SMC4: variants seen among roughly 807,000 people sequenced by gnomAD.
SMC4 encodes the protein structural maintenance of chromosomes protein 4.
A neutral mutation model predicts 145.6 loss-of-function variants in SMC4; 87 were observed. The ratio of observed to expected loss-of-function variants is 0.60; its 90% CI spans 0.50 to 0.71. SMC4 has a LOEUF of 0.71. SMC4 is among the 30% of genes least tolerant of loss of function. SMC4 has a pLI of 0.00. For missense variants in SMC4, 1,447 were observed against 1,537.1 expected (o/e 0.94, Z 0.98); for synonymous variants, 558 against 500.7 (o/e 1.11, Z -1.53).
intron 13 of SMC4, among the ~76,000 whole-genome samples, chr3:160,421,565 G>A (rs1424626916): frequency 1.3e-5 from 2 of 152,032 alleles, no homozygotes; most frequent in Non-Finnish European, 2.9e-5. Context: ...CCAACATGGC[G>A]AAATCCCATC....
intron 13 of SMC4, among the ~76,000 whole-genome samples, 188 bp downstream of exon 13, chr3:160,421,089 C>T (rs1717125074): frequency 6.6e-6 from 1 of 152,054 alleles, no homozygotes; most frequent in Non-Finnish European, 1.5e-5. Context: ...GCCACCACAC[C>T]CAGCTAATTT....
chr3:160,410,075 C>CA (rs1715814083), intron 5 of SMC4, among the ~76,000 whole-genome samples: 1 of 151,932 alleles, frequency 6.6e-6, no homozygotes, highest in Non-Finnish European at 1.5e-5. Context: ...GACCCTGTCT[C>CA]AAAAAAATAA....
At position 160,428,970 on chromosome 3, in the gene SMC4, T is replaced by TTTTCCCTTTCCC. The variant is rs762896674; in HGVS notation, c.2795+30_2795+41dup. On this transcript the variant is annotated intron_variant, in intron 18 of 23. Coordinates refer to ENST00000357388, the MANE Select transcript of SMC4 (RefSeq NM_001002800.3). Reference sequence around the variant, plus strand: ...AGAGTATGCATGTTACCCTAACTTGTTTTCCCTTTCCCTGCCTTCACATTG... The same window carrying TTTTCCCTTTCCC: ...AGAGTATGCATGTTACCCTAACTTGTTTTCCCTTTCCCTTTCCCTTTCCCTGCCTTCACATTG... The TTTTCCCTTTCCC allele has an allele frequency of 1.8e-5, 28 of 1,531,808 alleles. 1 individual carries two copies. In the South Asian group the frequency reaches 3.4e-4, roughly 19 times the overall value. 94.9% of individuals were successfully genotyped at this position (1,531,808 alleles called of 1,614,324 possible). A position where few individuals can be genotyped will look rare whatever the true frequency, so the allele number is the denominator to read the frequency against.
chr3:160,412,096 G>C lies in SMC4; in HGVS notation c.852+12G>C. The C allele has an allele frequency of 1.2e-6, 2 of 1,603,580 alleles. No individual in the cohort carries two copies. The highest frequency in any genetic ancestry group is 8.5e-7 in the Non-Finnish European group (1 of 1,175,736). On this transcript the variant is annotated intron_variant, in intron 6 of 23. Transcript: ENST00000357388. ...ACAGAGGAGAGAAGGTGAATCATCTGTAGACTTTCATTGTAAATCAGAATG... is the reference window on the plus strand; with the variant it reads ...ACAGAGGAGAGAAGGTGAATCATCTCTAGACTTTCATTGTAAATCAGAATG...
intron 9 of SMC4, 72 bp downstream of exon 9, chr3:160,414,589 C>T: frequency 7.5e-7 from 1 of 1,331,706 alleles, no homozygotes; most frequent in East Asian, 2.4e-5. Context: ...ATGTGTTTGC[C>T]CCTTATTGCC....
At chr3:160,403,168 T>G (rs1232293145) in intron 4 of SMC4, among the ~76,000 whole-genome samples, 1 of 152,188 alleles carries the variant, frequency 6.6e-6, no homozygotes, top group African/African-American at 2.4e-5. Flanking sequence ...TTCAGTTCAT[T>G]TTTAAAGTTA....
intron 13 of SMC4, among the ~76,000 whole-genome samples, chr3:160,421,473 C>T (rs916140632): frequency 3.3e-5 from 5 of 151,932 alleles, no homozygotes; most frequent in South Asian, 4.2e-4. Flanking sequence ...AGGCCAGGTG[C>T]GGTGGCTCAT....
chr3:160,407,461 G>A (rs751319464), intron 5 of SMC4, among the ~76,000 whole-genome samples: 4 of 152,132 alleles, frequency 2.6e-5, no homozygotes, highest in Admixed American at 1.3e-4. Flanking sequence ...GCTGAGGTGG[G>A]AGGACTGCTT....
At chr3:160,428,016 CA>C (rs1415593691) in intron 17 of SMC4, among the ~76,000 whole-genome samples, 1 of 152,164 alleles carries the variant, frequency 6.6e-6, no homozygotes, top group African/African-American at 2.4e-5. Flanking sequence ...TAAGCTGAAC[CA>C]CGAGAATGGC....
intron 18 of SMC4, 119 bp from the exon 19 acceptor site, chr3:160,430,480 A>T (rs1718279322): frequency 1.1e-6 from 1 of 938,060 alleles, no homozygotes; most frequent in Non-Finnish European, 1.6e-6. Context: ...TCATAAACTT[A>T]AAAATATATG....
chr3:160,400,999 C>T, intron 2 of SMC4, 34 bp downstream of exon 2: 5 of 1,368,800 alleles, frequency 3.7e-6, no homozygotes, highest in Non-Finnish European at 4.7e-6. Context: ...CGGGAACGCG[C>T]GCTGTGGGAC....
Position 160,432,459 on chromosome 3 carries a change from C to T in SMC4, c.3474C>T (p.Asp1158=), listed in dbSNP as rs138497633. ...ENYQMLTLGG[D]AELELVDSLD... is the part of the protein sequence containing the mutation. Reference sequence around the variant, plus strand: ...ACCAAATGCTTACTTTGGGAGGGGACGCCGAACTCGAGCTTGTAGACAGCT... The same window carrying T: ...ACCAAATGCTTACTTTGGGAGGGGATGCCGAACTCGAGCTTGTAGACAGCT... The change falls in exon 22 of 24, where the codon GAC becomes GAT. Residue 1158 remains aspartate (D), a synonymous_variant. Coordinates refer to ENST00000357388, the MANE Select transcript of SMC4 (RefSeq NM_001002800.3). 17 of 1,612,688 alleles carry T rather than the reference C, an allele frequency of 1.1e-5. No individual in the cohort carries two copies. Among genetic ancestry groups the T allele is most frequent in the Middle Eastern group, 1.6e-4 (1 of 6,076 alleles).
At chr3:160,410,711 A>G (rs1157447795) in intron 5 of SMC4, among the ~76,000 whole-genome samples, 1 of 152,090 alleles carries the variant, frequency 6.6e-6, no homozygotes, top group East Asian at 1.9e-4. Flanking sequence ...TGTTTTGTCC[A>G]CTGTTATTGA....
chr3:160,404,637 T>G, intron 5 of SMC4, 133 bp downstream of exon 5: 2 of 837,418 alleles, frequency 2.4e-6, no homozygotes, highest in Non-Finnish European at 4.2e-6. Context: ...CATGCTACAG[T>G]CAAGATGCGA....
In SMC4 at chr3:160,423,430, T is replaced by C; in HGVS notation, c.2025T>C (p.Ala675=). 6.3e-7 allele frequency: 1 copy of C among 1,584,660 alleles called. No homozygotes were observed. Among genetic ancestry groups the C allele is most frequent in the Non-Finnish European group, 8.6e-7 (1 of 1,159,828 alleles). ...GTTTGTTTGTTTACTTTTAGATGGCTGTATGGGCGAAAAAGATGACCGAAA... is the reference window on the plus strand; with the variant it reads ...GTTTGTTTGTTTACTTTTAGATGGCCGTATGGGCGAAAAAGATGACCGAAA... The part of the protein sequence containing the change: ...VATFIGLDKM[A]VWAKKMTEIQ... Residue 675 remains alanine, a synonymous_variant, in exon 14 of 24, where the codon GCT becomes GCC. Transcript: ENST00000357388.
chr3:160,412,514 CCTTCT>C (rs1559996408), intron 7 of SMC4, 61 bp downstream of exon 7: 1 of 1,489,992 alleles, frequency 6.7e-7, no homozygotes, highest in African/African-American at 1.4e-5. Flanking sequence ...AAGTCAAAGC[CCTTCT>C]CTTTTCCTAG....
chr3:160,404,399 TTCTG>T lies in SMC4; in HGVS notation c.586_589del (p.Val196IlefsTer3), dbSNP rs1172138157. On this transcript the variant is annotated frameshift_variant, in exon 5 of 24. Transcript: ENST00000357388. LOFTEE classifies it high-confidence loss of function. ...CCAGAACGGCCTGCAGAGATAATAC[TTCTG>T]TCTATCACATAAGTGGAAAGAAAAA... 10 of 1,611,206 alleles carry T rather than the reference TTCTG, an allele frequency of 6.2e-6. No homozygotes were observed. Among genetic ancestry groups the T allele is most frequent in the Admixed American group, 1.7e-5 (1 of 59,402 alleles).
Position 160,403,295 on chromosome 3 carries a change from T to C in SMC4, c.510+428T>C, listed in dbSNP as rs1182426705. On this transcript the variant is annotated intron_variant, in intron 4 of 23. Coordinates refer to ENST00000357388, the MANE Select transcript of SMC4 (RefSeq NM_001002800.3). ...CTAATGTTAGTGGCCCCTGAGTATCTGTGATATGAAAGAGCTTTGCTTCAG... is the reference window on the plus strand; with the variant it reads ...CTAATGTTAGTGGCCCCTGAGTATCCGTGATATGAAAGAGCTTTGCTTCAG... Among the ~76,000 whole-genome samples the C allele has an allele frequency of 2.0e-5, 3 of 152,156 alleles. No individual in the cohort carries two copies. In the East Asian group the frequency reaches 5.8e-4, roughly 29 times the overall value.
chr3:160,433,651 C>T lies in SMC4; in HGVS notation c.3715-6C>T. Reference sequence around the variant, plus strand: ...TAATGTTTGACTTTTCTTTGTTTCTCTTTAGGAACAAACAAAAAATGCACA... The same window carrying T: ...TAATGTTTGACTTTTCTTTGTTTCTTTTTAGGAACAAACAAAAAATGCACA... On this transcript the variant is annotated splice_polypyrimidine_tract_variant and splice_region_variant and intron_variant, in intron 23 of 23. Coordinates refer to ENST00000357388, the MANE Select transcript of SMC4 (RefSeq NM_001002800.3). The T allele has an allele frequency of 2.0e-6, 3 of 1,515,724 alleles. No individual in the cohort carries two copies. The highest frequency in any genetic ancestry group is 2.7e-6 in the Non-Finnish European group (3 of 1,122,914). The allele number at this position is 1,515,724 out of a possible 1,614,324, so 93.9% of individuals were successfully genotyped here.
Sources: allele counts gnomAD v4.1 joint callset (sites outside exome capture counted in the v4.1 genomes callset), GRCh38; gene constraint gnomAD v4.1.1; transcripts MANE v1.5; gene names NCBI Gene and HGNC (gene_info 2026-07-23, HGNC 2026-07-21).